The following OR56B1 variants were observed in gnomAD, a reference collection of about 807,000 sequenced individuals.
OR56B1 encodes olfactory receptor 56B1.
In OR56B1, 13 loss-of-function variants were observed where a neutral mutation model predicts 11.4. The ratio of observed to expected loss-of-function variants is 1.14; its 90% CI spans 0.74 to 1.81. The LOEUF is 1.81. OR56B1 is among the 40% of genes most tolerant of loss of function. The pLI is 0.00. For synonymous variants in OR56B1, 158 were observed against 143.6 expected, an observed-to-expected ratio of 1.10 and a Z score of -0.72; for missense variants, 434 against 379.3, an observed-to-expected ratio of 1.14 and a Z score of -1.20.
chr11:5,738,310 GTCCCTTC>G lies in OR56B1; in HGVS notation c.*822_*828del, dbSNP rs1853960191. On this transcript the variant is annotated 3_prime_UTR_variant, in exon 1 of 1. Coordinates refer to ENST00000317121, the MANE Select transcript of OR56B1 (RefSeq NM_001005180.3). ...TGACATGAGGGTTTTCACTGGATAT[GTCCCTTC>G]TCTGGCCACCCACCTGCTACAGCTA... 1.3e-5 allele frequency: 2 copies of G among 152,222 alleles called. No homozygotes were observed. Among genetic ancestry groups the G allele is most frequent in the African/African-American group, 4.8e-5 (2 of 41,452 alleles). 9.4% of individuals were successfully genotyped at this position (152,222 alleles called of 1,614,324 possible).
Position 5,737,975 on chromosome 11 carries a change from T to A in OR56B1, c.*484T>A. 6.4e-6 allele frequency: 1 copy of A among 156,180 alleles called. No homozygotes were observed. The allele number at this position is 156,180 out of a possible 1,614,324, so 9.7% of individuals were successfully genotyped here. ...TACAGAGGTCGGAAAAGAAAATAAT[T>A]CAGATAAAGCCAAATCAGTCAATGA... On this transcript the variant is annotated 3_prime_UTR_variant, in exon 1 of 1. Transcript: ENST00000317121.
Position 5,736,994 on chromosome 11 carries a change from A to G in OR56B1, c.478A>G (p.Arg160Gly), listed in dbSNP as rs1348625577. 6.2e-7 allele frequency: 1 copy of G among 1,614,164 alleles called. No individual in the cohort carries two copies. The highest frequency in any genetic ancestry group is 2.2e-5 in the East Asian group (1 of 44,862). The part of the protein sequence containing the change: ...ILKATLFMVL[R>G]NGLFVTPVPV... ...AAAAGCTACCCTGTTCATGGTGCTG[A>G]GAAATGGCTTATTTGTCACTCCAGT... is the stretch of plus-strand genomic sequence containing the variant. Residue 160 changes from arginine (R) to glycine (G), a missense_variant, in exon 1 of 1, where the codon AGA becomes GGA. By Grantham distance (125) the Arg-to-Gly change is moderately radical. Transcript: ENST00000317121.
In OR56B1 at chr11:5,737,390, C is replaced by T; in HGVS notation, c.874C>T (p.Pro292Ser). Residue 292 changes from proline (P) to serine (S), a missense_variant, in exon 1 of 1, where the codon CCC (proline) becomes TCC (serine). Pro to Ser is a moderately conservative substitution (Grantham distance 74). Coordinates refer to ENST00000317121, the MANE Select transcript of OR56B1 (RefSeq NM_001005180.3). ...VLLNVLHNIIPPSLNPTVYAL... is the reference protein window; with the variant it reads ...VLLNVLHNIISPSLNPTVYAL... ...ACTTAATGTGTTGCACAACATCATC[C>T]CCCCTTCCCTCAACCCTACAGTTTA... 6.2e-7 allele frequency: 1 copy of T among 1,613,998 alleles called. No homozygotes were observed. The highest frequency in any genetic ancestry group is 1.1e-5 in the South Asian group (1 of 91,078).
Position 5,736,500 on chromosome 11 carries a change from G to C in OR56B1, c.-17G>C. The C allele has an allele frequency of 6.2e-7, 1 of 1,609,852 alleles. No homozygotes were observed. The highest frequency in any genetic ancestry group is 8.5e-7 in the Non-Finnish European group (1 of 1,176,464). ...CTGAGAACAATACAAATAGAGATTT[G>C]AAATTCATGTTGAATCATGAATCAT... is the stretch of plus-strand genomic sequence containing the variant. On this transcript the variant is annotated 5_prime_UTR_variant, in exon 1 of 1. Transcript: ENST00000317121.
rs969693805 is a variant in OR56B1 at position 5,736,471 on chromosome 11, A to G, written c.-46A>G. On this transcript the variant is annotated 5_prime_UTR_variant, in exon 1 of 1. Transcript: ENST00000317121. ...ATTTCTGTGGTGGTTCCAACCTGTG[A>G]TAACTGAGAACAATACAAATAGAGA... is the stretch of plus-strand genomic sequence containing the variant. The G allele has an allele frequency of 8.9e-6, 14 of 1,573,942 alleles. No individual in the cohort carries two copies. The highest frequency in any genetic ancestry group is 1.3e-5 in the African/African-American group (1 of 74,076).
Position 5,737,392 on chromosome 11 carries a change from C to G in OR56B1, c.876C>G (p.Pro292=). ...VLLNVLHNII[P]PSLNPTVYAL... Reference sequence around the variant, plus strand: ...TTAATGTGTTGCACAACATCATCCCCCCTTCCCTCAACCCTACAGTTTATG... The same window carrying G: ...TTAATGTGTTGCACAACATCATCCCGCCTTCCCTCAACCCTACAGTTTATG... The change falls in exon 1 of 1, where the codon CCC becomes CCG. Residue 292 remains proline, a synonymous_variant. Transcript: ENST00000317121. The G allele has an allele frequency of 6.2e-7, 1 of 1,614,048 alleles. No homozygotes were observed. The highest frequency in any genetic ancestry group is 8.5e-7 in the Non-Finnish European group (1 of 1,179,954).
Position 5,738,237 on chromosome 11 carries a change from A to T in OR56B1, c.*746A>T, listed in dbSNP as rs1344262835. 1 of 152,230 alleles carries T rather than the reference A, an allele frequency of 6.6e-6. No individual in the cohort carries two copies. The highest frequency in any genetic ancestry group is 1.5e-5 in the Non-Finnish European group (1 of 68,062). The allele number at this position is 152,230 out of a possible 1,614,324, so 9.4% of individuals were successfully genotyped here. ...GTGATGCGTGACAGATTATAGTTCA[A>T]GAGGAGACAGCATTTGGGCTATTTA... On this transcript the variant is annotated 3_prime_UTR_variant, in exon 1 of 1. Coordinates refer to ENST00000317121, the MANE Select transcript of OR56B1 (RefSeq NM_001005180.3).
Position 5,736,832 on chromosome 11 carries a change from T to A in OR56B1, c.316T>A (p.Cys106Ser), listed in dbSNP as rs7397032. The A allele has an allele frequency of 1.8e-5, 29 of 1,613,710 alleles. No homozygotes were observed. Among genetic ancestry groups the A allele is most frequent in the Non-Finnish European group, 2.5e-5 (29 of 1,179,960 alleles). ...TGCCAAGGTTATTAGCCTCCCTGAGTGCTTTGCTCAGATTTATGCCATTCA... is the reference window on the plus strand; with the variant it reads ...TGCCAAGGTTATTAGCCTCCCTGAGAGCTTTGCTCAGATTTATGCCATTCA... ...FDAKVISLPE[C>S]FAQIYAIHFF... Residue 106 changes from cysteine to serine, a missense_variant, in exon 1 of 1, where the codon TGC becomes AGC. Cys to Ser is a moderately radical substitution (Grantham distance 112). Transcript: ENST00000317121.
rs199587977 is a variant in OR56B1 at position 5,737,050 on chromosome 11, C to A, written c.534C>A (p.Cys178Ter). ...VPVLAAQRDY[C>*]SKNEIEHCLC... ...TGCTTGCAGCACAGCGTGATTATTG[C>A]TCCAAGAATGAAATTGAACACTGCC... The change falls in exon 1 of 1, where the codon TGC becomes TGA. Residue 178 changes from cysteine (C) to a stop codon, truncating the protein, a stop_gained. Transcript: ENST00000317121. LOFTEE classifies it high-confidence loss of function. 43 of 1,613,986 alleles carry A rather than the reference C, an allele frequency of 2.7e-5. No homozygotes were observed. Among genetic ancestry groups the A allele is most frequent in the Non-Finnish European group, 5.9e-6 (7 of 1,180,012 alleles).
At position 5,738,455 on chromosome 11, in the gene OR56B1, T is replaced by A. The variant is rs533672628; in HGVS notation, c.*964T>A. The A allele has an allele frequency of 1.0e-5, 1 of 96,632 alleles. No individual in the cohort carries two copies. Among genetic ancestry groups the A allele is most frequent in the Non-Finnish European group, 2.2e-5 (1 of 45,308 alleles). 6.0% of individuals were successfully genotyped at this position (96,632 alleles called of 1,614,324 possible). On this transcript the variant is annotated 3_prime_UTR_variant, in exon 1 of 1. Coordinates refer to ENST00000317121, the MANE Select transcript of OR56B1 (RefSeq NM_001005180.3). ...TGAGTGCCCAGCATCCATTATTTTT[T>A]AATATCCACTTGTTTTCTTAAACAA...
chr11:5,737,535 T>G lies in OR56B1; in HGVS notation c.*44T>G. On this transcript the variant is annotated 3_prime_UTR_variant, in exon 1 of 1. Coordinates refer to ENST00000317121, the MANE Select transcript of OR56B1 (RefSeq NM_001005180.3). ...ACATGAACCTCAGCTTCTCCTAAAC[T>G]GGATAGTAAAATTTCAAAGAGGATA... The G allele has an allele frequency of 1.3e-6, 2 of 1,532,732 alleles. No individual in the cohort carries two copies. Among genetic ancestry groups the G allele is most frequent in the Non-Finnish European group, 1.8e-6 (2 of 1,141,296 alleles). The allele number at this position is 1,532,732 out of a possible 1,614,324, so 94.9% of individuals were successfully genotyped here. A position where few individuals can be genotyped will look rare whatever the true frequency, so the allele number is the denominator to read the frequency against.
Position 5,737,308 on chromosome 11 carries a change from TGTA to T in OR56B1, c.795_797del (p.Val266del), listed in dbSNP as rs747166552. 1.2e-6 allele frequency: 2 copies of T among 1,614,026 alleles called. No homozygotes were observed. Among genetic ancestry groups the T allele is most frequent in the Non-Finnish European group, 1.7e-6 (2 of 1,179,988 alleles). Reference sequence around the variant, plus strand: ...TCATCCTTTTCTTTTACACTATTGTTGTAGTGATTTCAGTGACTCATCTGACAG... The same window carrying T: ...TCATCCTTTTCTTTTACACTATTGTTGTGATTTCAGTGACTCATCTGACAG... On this transcript the variant is annotated inframe_deletion, in exon 1 of 1. Transcript: ENST00000317121.
chr11:5,736,967 T>G lies in OR56B1; in HGVS notation c.451T>G (p.Leu151Val). 6.2e-7 allele frequency: 1 copy of G among 1,614,146 alleles called. No homozygotes were observed. Among genetic ancestry groups the G allele is most frequent in the East Asian group, 2.2e-5 (1 of 44,874 alleles). The change falls in exon 1 of 1, where the codon TTA (leucine) becomes GTA (valine). Residue 151 changes from leucine to valine, a missense_variant. Leu to Val is a conservative substitution (Grantham distance 32, BLOSUM62 1). Coordinates refer to ENST00000317121, the MANE Select transcript of OR56B1 (RefSeq NM_001005180.3). ...ATCAATTGTCACCAGTTCCTTAATC[T>G]TAAAAGCTACCCTGTTCATGGTGCT... is the stretch of plus-strand genomic sequence containing the variant. ...YPSIVTSSLILKATLFMVLRN... is the reference protein window; with the variant it reads ...YPSIVTSSLIVKATLFMVLRN...
In OR56B1 at chr11:5,737,189, C is replaced by T. The variant is rs983212796; in HGVS notation, c.673C>T (p.Leu225=). Residue 225 remains leucine, a synonymous_variant, in exon 1 of 1, where the codon CTG becomes TTG. Coordinates refer to ENST00000317121, the MANE Select transcript of OR56B1 (RefSeq NM_001005180.3). ...GMGSDLSLII[L]SYILILYSVL... is the part of the protein sequence containing the mutation. Reference sequence around the variant, plus strand: ...GGGGAGTGATCTAAGTCTTATTATACTGTCATATATTTTGATTCTGTACTC... The same window carrying T: ...GGGGAGTGATCTAAGTCTTATTATATTGTCATATATTTTGATTCTGTACTC... 1.2e-6 allele frequency: 2 copies of T among 1,614,006 alleles called. No individual in the cohort carries two copies. Among genetic ancestry groups the T allele is most frequent in the Non-Finnish European group, 8.5e-7 (1 of 1,179,952 alleles).
chr11:5,736,832 T>C lies in OR56B1; in HGVS notation c.316T>C (p.Cys106Arg), dbSNP rs7397032. The C allele has an allele frequency of 0.84, 1,357,161 of 1,613,716 alleles. 573,688 individuals carry two copies. Among genetic ancestry groups the C allele is most frequent in the Non-Finnish European group, 0.86 (1,017,085 of 1,179,882 alleles). The part of the protein sequence containing the change: ...FDAKVISLPE[C>R]FAQIYAIHFF... ...TGCCAAGGTTATTAGCCTCCCTGAG[T>C]GCTTTGCTCAGATTTATGCCATTCA... Residue 106 changes from cysteine to arginine, a missense_variant, in exon 1 of 1, where the codon TGC becomes CGC. Physicochemically the swap from Cys to Arg is radical, Grantham distance 180. Transcript: ENST00000317121.
Position 5,737,686 on chromosome 11 carries a change from A to G in OR56B1, c.*195A>G. The G allele has an allele frequency of 2.1e-6, 1 of 475,220 alleles. No individual in the cohort carries two copies. The highest frequency in any genetic ancestry group is 5.2e-5 in the South Asian group (1 of 19,250). 29.4% of individuals were successfully genotyped at this position (475,220 alleles called of 1,614,324 possible). On this transcript the variant is annotated 3_prime_UTR_variant, in exon 1 of 1. Coordinates refer to ENST00000317121, the MANE Select transcript of OR56B1 (RefSeq NM_001005180.3). ...ATTGACAAAAGCTAAATATTTAAAT[A>G]TATTTGAGAATATGGAAGAAATTTC... is the stretch of plus-strand genomic sequence containing the variant.
rs1184081582 is a variant in OR56B1, at chr11:5,737,480, A to C, written c.964A>C (p.Ile322Leu). 3.7e-6 allele frequency: 6 copies of C among 1,609,926 alleles called. No homozygotes were observed. Among genetic ancestry groups the C allele is most frequent in the Non-Finnish European group, 5.1e-6 (6 of 1,177,688 alleles). Residue 322 changes from isoleucine (I) to leucine (L), a missense_variant, in exon 1 of 1, where the codon ATA becomes CTA. Ile to Leu is a conservative substitution (Grantham distance 5, BLOSUM62 2). Coordinates refer to ENST00000317121, the MANE Select transcript of OR56B1 (RefSeq NM_001005180.3). ...QKVLFALTKE[I>L]RS The stretch of plus-strand genomic sequence containing the variant: ...GGTGCTGTTTGCCCTTACAAAAGAA[A>C]TAAGATCTTAGAGACCTTCTCCATG...
Position 5,737,110 on chromosome 11 carries a change from T to C in OR56B1, c.594T>C (p.Cys198=). 2 of 1,614,022 alleles carry C rather than the reference T, an allele frequency of 1.2e-6. No homozygotes were observed. Among genetic ancestry groups the C allele is most frequent in the Non-Finnish European group, 1.7e-6 (2 of 1,179,988 alleles). ...CSNLGVTSLA[C]DDRRPNSICQ... ...ACCTTGGGGTCACAAGCCTGGCTTG[T>C]GATGACAGGAGGCCAAACAGCATTT... is the stretch of plus-strand genomic sequence containing the variant. Residue 198 remains cysteine (C), a synonymous_variant, in exon 1 of 1, where the codon TGT becomes TGC. Coordinates refer to ENST00000317121, the MANE Select transcript of OR56B1 (RefSeq NM_001005180.3).
Position 5,737,247 on chromosome 11 carries a change from C to A in OR56B1, c.731C>A (p.Ala244Asp). 6.2e-7 allele frequency: 1 copy of A among 1,614,126 alleles called. No individual in the cohort carries two copies. The highest frequency in any genetic ancestry group is 8.5e-7 in the Non-Finnish European group (1 of 1,179,982). The change falls in exon 1 of 1, where the codon GCC (alanine) becomes GAC (aspartate). Residue 244 changes from alanine (A) to aspartate (D), a missense_variant. Coordinates refer to ENST00000317121, the MANE Select transcript of OR56B1 (RefSeq NM_001005180.3). ...AGACTGAACTCAGCTGAAGCTGCAG[C>A]CAAGGCCCTGAGCACTTGTAGTTCA... ...VLRLNSAEAAAKALSTCSSHL... is the reference protein window; with the variant it reads ...VLRLNSAEAADKALSTCSSHL...
Sources: gnomAD v4.1 joint callset for allele counts on GRCh38, gnomAD v4.1.1 for gene constraint, MANE v1.5 for transcripts, NCBI Gene and HGNC (gene_info 2026-07-23, HGNC 2026-07-21) for gene names.